The following UBAP2L variants were observed in gnomAD, a reference collection of about 807,000 sequenced individuals.
UBAP2L encodes ubiquitin associated protein 2 like.
A neutral mutation model predicts 130.6 loss-of-function variants in UBAP2L; 12 were observed. The ratio of observed to expected loss-of-function variants is 0.09; its 90% CI spans 0.06 to 0.15. UBAP2L has a LOEUF of 0.15. Among genes scored for constraint, UBAP2L ranks in the 10% least tolerant of loss-of-function variants. The probability of loss-of-function intolerance (pLI) is 1.00; values close to 1 mark genes in which losing one functional copy is unlikely to be tolerated. For missense variants in UBAP2L, 965 were observed against 1,332.5 expected (o/e 0.72, Z 4.29); for synonymous variants, 503 against 524.7 (o/e 0.96, Z 0.57).
Position 154,243,311 on chromosome 1 carries a change from G to T in UBAP2L, c.842+9G>T. ...ATCACTGCTGGTCAGAGGCAAGTGT[G>T]CAGTAAAATTTAGTACCATTTCTTA... On this transcript the variant is annotated intron_variant, in intron 10 of 26. Coordinates refer to ENST00000428931, the MANE Select transcript of UBAP2L (RefSeq NM_014847.4). 1 of 1,610,256 alleles carries T rather than the reference G, an allele frequency of 6.2e-7. No individual in the cohort carries two copies.
At chr1:154,234,494 G>A in intron 4 of UBAP2L, 97 bp from the exon 5 acceptor site, 2 of 1,324,808 alleles carry the variant, frequency 1.5e-6, no homozygotes, top group Non-Finnish European at 2.1e-6. Context: ...GATGCTGAGT[G>A]GAGAATGGTT....
chr1:154,236,308 C>CAAG (rs1352472261), intron 6 of UBAP2L, among the ~76,000 whole-genome samples: 1 of 152,190 alleles, frequency 6.6e-6, no homozygotes, highest in Non-Finnish European at 1.5e-5. Flanking sequence ...AAGTGATCCT[C>CAAG]CTGCCTCAGC....
upstream of UBAP2L, chr1:154,220,619 C>T (rs1665563974): frequency 1.7e-6 from 1 of 596,832 alleles, no homozygotes; most frequent in South Asian, 2.0e-5. Context: ...CCCCCTGACA[C>T]GTGACTCAGG....
intron 18 of UBAP2L, 46 bp downstream of exon 18, chr1:154,255,801 A>G (rs1443687152): frequency 6.3e-7 from 1 of 1,593,970 alleles, no homozygotes. Context: ...TACACTTAGA[A>G]CTGTCCAACT....
Position 154,249,338 on chromosome 1 carries a change from C to T in UBAP2L, c.1114C>T (p.Leu372=). 1 of 1,614,184 alleles carries T rather than the reference C, an allele frequency of 6.2e-7. No homozygotes were observed. Among genetic ancestry groups the T allele is most frequent in the Non-Finnish European group, 8.5e-7 (1 of 1,180,038 alleles). ...GGAGCAATTCAAGACTGCCCAAGCC[C>T]TGGCTCAGTTGGCAGCTCAGCATTC... is the stretch of plus-strand genomic sequence containing the variant. The part of the protein sequence containing the change: ...FLEQFKTAQA[L]AQLAAQHSQS... Residue 372 remains leucine, a synonymous_variant, in exon 12 of 27, where the codon CTG becomes TTG. Transcript: ENST00000428931.
intron 17 of UBAP2L, 149 bp from the exon 18 acceptor site, chr1:154,255,534 C>A: frequency 9.0e-7 from 1 of 1,109,156 alleles, no homozygotes; most frequent in Non-Finnish European, 1.3e-6. Context: ...CTGCTCTCTA[C>A]CCCTGGCTGG....
intron 20 of UBAP2L, 115 bp from the exon 21 acceptor site, chr1:154,258,862 C>A (rs1680548652): frequency 5.1e-6 from 4 of 790,536 alleles, no homozygotes; most frequent in East Asian, 5.2e-5. Flanking sequence ...AATCCGTGTC[C>A]TGTTCTAACC....
chr1:154,230,588 C>A (rs2148551936), intron 4 of UBAP2L, among the ~76,000 whole-genome samples: 1 of 152,088 alleles, frequency 6.6e-6, no homozygotes, highest in East Asian at 1.9e-4. Flanking sequence ...TCAGGTGGGG[C>A]TATTTATGTT....
At chr1:154,269,187 G>A in intron 26 of UBAP2L, 1 of 816,780 alleles carries the variant, frequency 1.2e-6, no homozygotes, top group Non-Finnish European at 1.9e-6. Flanking sequence ...TTCCTTTGGT[G>A]CCCTTCTCCT....
intron 9 of UBAP2L, among the ~76,000 whole-genome samples, chr1:154,242,441 T>C (rs752047804): frequency 5.9e-5 from 9 of 152,202 alleles, no homozygotes; most frequent in Non-Finnish European, 1.2e-4. Flanking sequence ...ACTAGACTGC[T>C]TTGTGAAAAT....
chr1:154,220,387 C>A, upstream of UBAP2L: 1 of 1,614,242 alleles, frequency 6.2e-7, no homozygotes, highest in South Asian at 1.1e-5. Context: ...CCCCGGAGAG[C>A]CAGTTACTGC....
rs1217390772 is a variant in UBAP2L, at chr1:154,225,086, T to C, written c.-38T>C. On this transcript the variant is annotated splice_region_variant and 5_prime_UTR_variant, in exon 2 of 27. Coordinates refer to ENST00000428931, the MANE Select transcript of UBAP2L (RefSeq NM_014847.4). ...TAATTTTCTTTTAAATCTTTCAGTA[T>C]TCTACCTTGTAAATACTGTTATTTG... 2 of 1,608,772 alleles carry C rather than the reference T, an allele frequency of 1.2e-6. No individual in the cohort carries two copies. The highest frequency in any genetic ancestry group is 1.3e-5 in the African/African-American group (1 of 74,808).
Position 154,261,586 on chromosome 1 carries a change from CT to C in UBAP2L, c.2797-3del. The C allele has an allele frequency of 6.2e-7, 1 of 1,614,058 alleles. No homozygotes were observed. The highest frequency in any genetic ancestry group is 8.5e-7 in the Non-Finnish European group (1 of 1,179,982). ...TCACTGCAAATCTGGCCTTTTTGCT[CT>C]TTAGGTGGCTCCTACCTCTTCCAAG... is the stretch of plus-strand genomic sequence containing the variant. On this transcript the variant is annotated splice_polypyrimidine_tract_variant and splice_region_variant and intron_variant, in intron 23 of 26. Transcript: ENST00000428931.
Position 154,228,123 on chromosome 1 carries a change from G to T in UBAP2L, c.169-492G>T, listed in dbSNP as rs1313546113. 3.3e-5 allele frequency among the ~76,000 whole-genome samples: 5 copies of T among 151,858 alleles called. No homozygotes were observed. The South Asian group carries it at 8.3e-4, about 25-fold the overall frequency. On this transcript the variant is annotated intron_variant, in intron 3 of 26. Coordinates refer to ENST00000428931, the MANE Select transcript of UBAP2L (RefSeq NM_014847.4). ...CTACATGTTTTCCTTTTTGGCGGGG[G>T]TTGGGGGGGTGGTTCTGGAAAACCT...
intron 24 of UBAP2L, among the ~76,000 whole-genome samples, chr1:154,261,901 T>C (rs1199891758): frequency 6.6e-6 from 1 of 152,198 alleles, no homozygotes; most frequent in Non-Finnish European, 1.5e-5. Flanking sequence ...TGTCCACTAT[T>C]TGTGACGGGA....
At chr1:154,231,155 G>A (rs1412069040) in intron 4 of UBAP2L, among the ~76,000 whole-genome samples, 2 of 152,024 alleles carry the variant, frequency 1.3e-5, no homozygotes, top group Non-Finnish European at 2.9e-5. Flanking sequence ...ATTAAGAGAT[G>A]GGGTCTTGCC....
chr1:154,220,369 G>A (rs555056807), upstream of UBAP2L: 5 of 1,614,238 alleles, frequency 3.1e-6, no homozygotes, highest in South Asian at 4.4e-5. Context: ...TCACCAGCAC[G>A]ACATTCACCC....
rs781238764 is a variant in UBAP2L, at chr1:154,257,394, A to G, written c.2402A>G (p.Asn801Ser). The G allele has an allele frequency of 1.2e-6, 2 of 1,613,282 alleles. No homozygotes were observed. Among genetic ancestry groups the G allele is most frequent in the Admixed American group, 3.3e-5 (2 of 60,020 alleles). The change falls in exon 20 of 27, where the codon AAT (asparagine) becomes AGT (serine). Residue 801 changes from asparagine (N) to serine (S), a missense_variant. Coordinates refer to ENST00000428931, the MANE Select transcript of UBAP2L (RefSeq NM_014847.4). ...LPPGVPPLLP[N>S]PYIMAPGLLH... ...CCTGGGGTCCCGCCGTTGTTGCCTA[A>G]TCCGTATATTATGGCTCCAGGGCTG...
chr1:154,255,397 C>T (rs1679302029), intron 17 of UBAP2L, 71 bp downstream of exon 17: 4 of 1,559,730 alleles, frequency 2.6e-6, no homozygotes, highest in Non-Finnish European at 3.5e-6. Context: ...CCTTATTACT[C>T]CCTTGACCTG....
Sources: allele counts gnomAD v4.1 joint callset (sites outside exome capture counted in the v4.1 genomes callset), GRCh38; gene constraint gnomAD v4.1.1; transcripts MANE v1.5; gene names NCBI Gene and HGNC (gene_info 2026-07-23, HGNC 2026-07-21).